LMCD1: variants seen among roughly 807,000 people sequenced by gnomAD.
LMCD1 encodes the protein LIM and cysteine-rich domains protein 1.
In LMCD1, 32 loss-of-function variants were observed where a neutral mutation model predicts 42.7. The ratio of observed to expected loss-of-function variants is 0.75; its 90% confidence interval spans 0.57 to 1.01. The LOEUF (loss-of-function observed/expected upper bound fraction) is 1.01. Ranked by LOEUF, LMCD1 falls within the 50% of genes least tolerant of loss-of-function variation. The pLI is 0.00. For synonymous variants in LMCD1, 178 were observed against 184.9 expected (o/e 0.96, Z 0.30); for missense variants, 458 against 483.1 (o/e 0.95, Z 0.49).
chr3:8,556,400 A>G (rs1401674121), intron 4 of LMCD1, among the ~76,000 whole-genome samples: 2 of 151,076 alleles, frequency 1.3e-5, no homozygotes, highest in Non-Finnish European at 3.0e-5. Flanking sequence ...TTTTTTTTTC[A>G]GGAGTGTGTG....
Position 8,548,823 on chromosome 3 carries a change from C to G in LMCD1, c.643C>G (p.Gln215Glu). Residue 215 changes from glutamine to glutamate, a missense_variant, in exon 4 of 6, where the codon CAG becomes GAG. Physicochemically the swap from Gln to Glu is conservative, Grantham distance 29. Transcript: ENST00000157600. The stretch of plus-strand genomic sequence containing the variant: ...CTTGCCCAAGGAGGAGGGGAAGCAG[C>G]AGGAAAAGCCAGAGGGGGCAGAGAC... ...GGLPKEEGKQ[Q>E]EKPEGAETTA... is the part of the protein sequence containing the mutation. 2 of 1,601,574 alleles carry G rather than the reference C, an allele frequency of 1.2e-6. No homozygotes were observed.
chr3:8,530,654 C>A (rs1000890097), intron 1 of LMCD1, among the ~76,000 whole-genome samples: 1 of 152,198 alleles, frequency 6.6e-6, no homozygotes, highest in Non-Finnish European at 1.5e-5. Context: ...AAGCCTTATT[C>A]ACAAGTTGTA....
rs1166998666 is a variant in LMCD1, at chr3:8,574,143, C to T, written c.*6545C>T. On this transcript the variant is annotated 3_prime_UTR_variant, in exon 6 of 6. Transcript: ENST00000157600. ...CTGGGCTCACTTTTGTCCTTGGAGC[C>T]AGTGAGCCCATGAAAAAGGAGCTTC... is the stretch of plus-strand genomic sequence containing the variant. The T allele has an allele frequency of 6.6e-6, 1 of 152,280 alleles. No homozygotes were observed. Among genetic ancestry groups the T allele is most frequent in the Admixed American group, 6.5e-5 (1 of 15,284 alleles). 9.4% of individuals were successfully genotyped at this position (152,280 alleles called of 1,614,324 possible).
intron 4 of LMCD1, chr3:8,550,842 A>G (rs1694827406): frequency 1.0e-6 from 1 of 985,148 alleles, no homozygotes; most frequent in African/African-American, 1.7e-5. Flanking sequence ...TCACTGTAGC[A>G]TTTCCAAATC....
At chr3:8,540,474 G>A (rs1179303932) in intron 3 of LMCD1, among the ~76,000 whole-genome samples, 2 of 152,210 alleles carry the variant, frequency 1.3e-5, no homozygotes, top group East Asian at 1.9e-4. Context: ...ATGATGCAAC[G>A]ATGCAGCTAG....
rs186624934 is a variant in LMCD1, at chr3:8,528,061, G to A, written c.43-4676G>A. Among the ~76,000 whole-genome samples the A allele has an allele frequency of 1.1e-4, 17 of 152,270 alleles. 1 individual carries two copies. Among genetic ancestry groups the A allele is most frequent in the East Asian group, 3.9e-4 (2 of 5,190 alleles). ...ATTGGACCAAGATCTGCAAGTTAAC[G>A]TGTTACTTCAGAAAGACTTGGAGCT... is the stretch of plus-strand genomic sequence containing the variant. On this transcript the variant is annotated intron_variant, in intron 1 of 5. Coordinates refer to ENST00000157600, the MANE Select transcript of LMCD1 (RefSeq NM_014583.4).
Position 8,568,600 on chromosome 3 carries a change from C to T in LMCD1, c.*1002C>T, listed in dbSNP as rs189207795. 1.1e-4 allele frequency: 16 copies of T among 152,288 alleles called. No homozygotes were observed. The highest frequency in any genetic ancestry group is 2.4e-5 in the African/African-American group (1 of 41,556). 9.4% of individuals were successfully genotyped at this position (152,288 alleles called of 1,614,324 possible). ...CAAAATTTTTTCAATAAAAATTAAT[C>T]TAAAATTTAACAATGCCACTTTTAT... On this transcript the variant is annotated 3_prime_UTR_variant, in exon 6 of 6. Transcript: ENST00000157600.
At chr3:8,550,287 A>G in intron 4 of LMCD1, 1 of 1,017,880 alleles carries the variant, frequency 9.8e-7, no homozygotes, top group Non-Finnish European at 1.2e-6. Context: ...CCCATCAACC[A>G]AGTGTCTTCA....
chr3:8,516,486 G>C (rs1023258061), intron 1 of LMCD1, among the ~76,000 whole-genome samples: 1 of 152,042 alleles, frequency 6.6e-6, no homozygotes, highest in African/African-American at 2.4e-5. Context: ...GGAAAGTGGC[G>C]GAATCATTGC....
chr3:8,537,375 G>T lies in LMCD1; in HGVS notation c.322G>T (p.Gly108Trp). Residue 108 changes from glycine (G) to tryptophan (W), a missense_variant, in exon 3 of 6, where the codon GGG (glycine) becomes TGG (tryptophan). Physicochemically the swap from Gly to Trp is radical, Grantham distance 184 (BLOSUM62 -2). Coordinates refer to ENST00000157600, the MANE Select transcript of LMCD1 (RefSeq NM_014583.4). ...RMIMTNPIAT[G>W]KDPTFDTITY... ...GATCATGACCAACCCTATTGCTACT[G>T]GGAAAGATCCCACTTTTGACACCAT... 1.2e-6 allele frequency: 2 copies of T among 1,611,840 alleles called. No homozygotes were observed. The highest frequency in any genetic ancestry group is 1.7e-6 in the Non-Finnish European group (2 of 1,178,094).
intron 2 of LMCD1, among the ~76,000 whole-genome samples, chr3:8,534,632 T>C (rs946435703): frequency 6.6e-6 from 1 of 152,216 alleles, no homozygotes; most frequent in Non-Finnish European, 1.5e-5. Context: ...TTGTAAGACA[T>C]TTAAATGACC....
At chr3:8,514,553 T>C (rs958171304) in intron 1 of LMCD1, among the ~76,000 whole-genome samples, 3 of 152,166 alleles carry the variant, frequency 2.0e-5, no homozygotes, top group African/African-American at 7.2e-5. Flanking sequence ...CAAAAAAATT[T>C]TGGGCAAAAA....
rs1236605318 is a variant in LMCD1, at chr3:8,569,715, G to C, written c.*2117G>C. 6.6e-6 allele frequency: 1 copy of C among 152,262 alleles called. No homozygotes were observed. Among genetic ancestry groups the C allele is most frequent in the Non-Finnish European group, 1.5e-5 (1 of 68,102 alleles). The allele number at this position is 152,262 out of a possible 1,614,324, so 9.4% of individuals were successfully genotyped here. A position where few individuals can be genotyped will look rare whatever the true frequency, so the allele number is the denominator to read the frequency against. Reference sequence around the variant, plus strand: ...TGGGCTGTAAAGGATGAGTAGCCTTGCCAGGCATAGTGGCTCAGGCCTGTA... The same window carrying C: ...TGGGCTGTAAAGGATGAGTAGCCTTCCCAGGCATAGTGGCTCAGGCCTGTA... On this transcript the variant is annotated 3_prime_UTR_variant, in exon 6 of 6. Transcript: ENST00000157600.
At chr3:8,549,398 G>A (rs776064790) in intron 4 of LMCD1, among the ~76,000 whole-genome samples, 1 of 152,144 alleles carries the variant, frequency 6.6e-6, no homozygotes, top group African/African-American at 2.4e-5. Context: ...GGGGACATGA[G>A]GCTAGGGAGG....
At chr3:8,556,774 C>A (rs575574273) in intron 4 of LMCD1, among the ~76,000 whole-genome samples, 3 of 152,234 alleles carry the variant, frequency 2.0e-5, no homozygotes, top group African/African-American at 7.2e-5. Context: ...ACAACCCACA[C>A]TGATGTTCTC....
At position 8,520,148 on chromosome 3, in the gene LMCD1, AAATTAACTCC is replaced by A. The variant is rs569422363; in HGVS notation, c.43-12585_43-12576del. Among the ~76,000 whole-genome samples the A allele has an allele frequency of 1.3e-3, 201 of 152,324 alleles. 1 individual carries two copies. The highest frequency in any genetic ancestry group is 4.7e-3 in the African/African-American group (195 of 41,576). ...GTGTGTTATGTCTCCCCTATTTCCA[AAATTAACTCC>A]AATAAAAGTGTGTTATCCTTGGAAA... On this transcript the variant is annotated intron_variant, in intron 1 of 5. Coordinates refer to ENST00000157600, the MANE Select transcript of LMCD1 (RefSeq NM_014583.4).
chr3:8,536,286 G>A (rs112850135), intron 2 of LMCD1, among the ~76,000 whole-genome samples: 4,433 of 152,270 alleles, frequency 0.029, 121 homozygotes, highest in African/African-American at 0.071. Flanking sequence ...GTGACAGGCC[G>A]GAAAGGGAGG....
At chr3:8,543,313 G>C (rs7629532) in intron 3 of LMCD1, among the ~76,000 whole-genome samples, 73,478 of 151,814 alleles carry the variant, frequency 0.48, 18,482 homozygotes, top group Non-Finnish European at 0.53. Flanking sequence ...TCACTGCCCC[G>C]AGAGAAGCCC....
At chr3:8,528,435 A>G (rs915510546) in intron 1 of LMCD1, among the ~76,000 whole-genome samples, 13 of 152,132 alleles carry the variant, frequency 8.5e-5, no homozygotes, top group African/African-American at 2.2e-4. Flanking sequence ...GCCTCAAGCA[A>G]TCCCCCTGCC....
Sources: gnomAD v4.1 joint callset for allele counts (sites outside exome capture counted in the v4.1 genomes callset) on GRCh38, gnomAD v4.1.1 for gene constraint, MANE v1.5 for transcripts, NCBI Gene and HGNC (gene_info 2026-07-23, HGNC 2026-07-21) for gene names.